Variants in MBOAT1 observed in about 807,000 individuals in gnomAD.
MBOAT1 encodes membrane bound glycerophospholipid O-acyltransferase 1, also known as membrane-bound glycerophospholipid O-acyltransferase 1.
MBOAT1 carries 67 observed loss-of-function variants against 64.4 expected under a neutral mutation model. The observed-to-expected ratio is 1.04, with a 90% confidence interval of 0.85 to 1.27. The LOEUF (loss-of-function observed/expected upper bound fraction) is 1.27, where lower values mean the gene tolerates loss of function less well. MBOAT1 is among the 50% of genes most tolerant of loss of function. The pLI, the probability that MBOAT1 is intolerant of heterozygous loss-of-function variation, is 0.00. For synonymous variants in MBOAT1, 229 were observed against 218.9 expected (o/e 1.05, Z -0.41); for missense variants, 563 against 604.6 (o/e 0.93, Z 0.72).
chr6:20,111,870 A>G (rs9356720), intron 11 of MBOAT1, among the ~76,000 whole-genome samples: 25,654 of 115,206 alleles, frequency 0.22, 2,640 homozygotes, highest in East Asian at 0.33. Flanking sequence ...ATATATATAC[A>G]TATATATATG....
rs1417680626 is a variant in MBOAT1 at position 20,100,748 on chromosome 6, A to G, written c.*1538T>C. On this transcript the variant is annotated 3_prime_UTR_variant, in exon 13 of 13. Coordinates refer to ENST00000324607, the MANE Select transcript of MBOAT1 (RefSeq NM_001080480.3). Reference sequence around the variant, plus strand: ...ATACTGTTTATTCAATAAGAAATTAATTTTTTATCGTTGGATTTGAATAAA... The same window carrying G: ...ATACTGTTTATTCAATAAGAAATTAGTTTTTTATCGTTGGATTTGAATAAA... 6.6e-6 allele frequency among the ~76,000 whole-genome samples: 1 copy of G among 152,170 alleles called. No individual in the cohort carries two copies. Among genetic ancestry groups the G allele is most frequent in the African/African-American group, 2.4e-5 (1 of 41,436 alleles).
rs187920218 is a variant in MBOAT1, at chr6:20,110,726, T to C, written c.1210-977A>G. 2.3e-3 allele frequency among the ~76,000 whole-genome samples: 356 copies of C among 152,304 alleles called. 1 individual carries two copies. Among genetic ancestry groups the C allele is most frequent in the African/African-American group, 8.2e-3 (342 of 41,562 alleles). ...TTCTTAATGACACCAATATAATTTC[T>C]AGCTCATTTTTTCATTTAGTAATAT... On this transcript the variant is annotated intron_variant, in intron 11 of 12. Coordinates refer to ENST00000324607, the MANE Select transcript of MBOAT1 (RefSeq NM_001080480.3).
chr6:20,186,217 C>T (rs977824734), intron 1 of MBOAT1, among the ~76,000 whole-genome samples: 3 of 152,136 alleles, frequency 2.0e-5, no homozygotes, highest in African/African-American at 7.2e-5. Flanking sequence ...GGGAGGAAAA[C>T]AATGGGAGTA....
intron 1 of MBOAT1, among the ~76,000 whole-genome samples, chr6:20,204,940 T>C (rs1273680800): frequency 6.6e-6 from 1 of 152,142 alleles, no homozygotes; most frequent in African/African-American, 2.4e-5. Flanking sequence ...CTCACAACTA[T>C]AATCCCCGCA....
intron 1 of MBOAT1, among the ~76,000 whole-genome samples, chr6:20,172,154 T>G (rs13197946): frequency 0.14 from 21,533 of 151,194 alleles, 1,633 homozygotes; most frequent in African/African-American, 0.17. Flanking sequence ...ATTCCTAGGG[T>G]CCAGGTGCAG....
intron 4 of MBOAT1, among the ~76,000 whole-genome samples, chr6:20,141,881 G>A (rs553854610): frequency 2.6e-5 from 4 of 152,240 alleles, no homozygotes; most frequent in East Asian, 1.9e-4. Context: ...AAGGATGCGG[G>A]TAATAAAGGA....
intron 1 of MBOAT1, among the ~76,000 whole-genome samples, chr6:20,164,265 G>GT (rs1761950944): frequency 6.6e-6 from 1 of 151,450 alleles, no homozygotes; most frequent in African/African-American, 2.4e-5. Flanking sequence ...CACCCAGTTG[G>GT]GCCTGGAGTC....
In MBOAT1 at chr6:20,151,254, A is replaced by G; in HGVS notation, c.254T>C (p.Val85Ala). The change falls in exon 3 of 13, where the codon GTG becomes GCG. Residue 85 changes from valine (V) to alanine (A), a missense_variant. Val to Ala is a moderately conservative substitution (Grantham distance 64, BLOSUM62 0). Coordinates refer to ENST00000324607, the MANE Select transcript of MBOAT1 (RefSeq NM_001080480.3). ...CATTAACACCAGCACAAAAAGATGCACAGAGTACCTTTAAGACATAATAGT... is the reference window on the plus strand; with the variant it reads ...CATTAACACCAGCACAAAAAGATGCGCAGAGTACCTTTAAGACATAATAGT... Reference protein sequence around the residue: ...FVIFCFGWYSVHLFVLVLMCY... With the variant: ...FVIFCFGWYSAHLFVLVLMCY... 1 of 1,611,700 alleles carries G rather than the reference A, an allele frequency of 6.2e-7. No individual in the cohort carries two copies. The highest frequency in any genetic ancestry group is 8.5e-7 in the Non-Finnish European group (1 of 1,178,242).
At chr6:20,191,953 A>C (rs1762813831) in intron 1 of MBOAT1, among the ~76,000 whole-genome samples, 1 of 152,158 alleles carries the variant, frequency 6.6e-6, no homozygotes, top group African/African-American at 2.4e-5. Flanking sequence ...ATTGGAAGAG[A>C]CAGAAAGAAG....
rs371867829 is a variant in MBOAT1, at chr6:20,102,279, G to T, written c.*7C>A. 2 of 1,612,680 alleles carry T rather than the reference G, an allele frequency of 1.2e-6. No individual in the cohort carries two copies. The highest frequency in any genetic ancestry group is 8.5e-7 in the Non-Finnish European group (1 of 1,179,580). On this transcript the variant is annotated 3_prime_UTR_variant, in exon 13 of 13. Coordinates refer to ENST00000324607, the MANE Select transcript of MBOAT1 (RefSeq NM_001080480.3). ...CAGTTTTGCTTGTTCCGCTTCTCTTGGAGGTATCAATCTGTTTTTCTCTTA... is the reference window on the plus strand; with the variant it reads ...CAGTTTTGCTTGTTCCGCTTCTCTTTGAGGTATCAATCTGTTTTTCTCTTA...
At chr6:20,130,701 C>CA (rs753257631) in intron 5 of MBOAT1, among the ~76,000 whole-genome samples, 6,241 of 137,730 alleles carry the variant, frequency 0.045, 295 homozygotes, top group African/African-American at 0.13. Context: ...TTTTCCAAGC[C>CA]AAAAAAAAAA....
chr6:20,183,524 T>C (rs1275340894), intron 1 of MBOAT1, among the ~76,000 whole-genome samples: 1 of 152,232 alleles, frequency 6.6e-6, no homozygotes, highest in Non-Finnish European at 1.5e-5. Flanking sequence ...CCAACATCAG[T>C]ATTTTCATCC....
intron 11 of MBOAT1, among the ~76,000 whole-genome samples, chr6:20,110,521 T>A (rs927590899): frequency 6.6e-6 from 1 of 151,720 alleles, no homozygotes; most frequent in African/African-American, 2.4e-5. Flanking sequence ...TGGCCAATTT[T>A]TCTTATTAAA....
intron 1 of MBOAT1, among the ~76,000 whole-genome samples, chr6:20,197,851 T>C (rs2113765753): frequency 6.6e-6 from 1 of 152,288 alleles, no homozygotes; most frequent in East Asian, 1.9e-4. Flanking sequence ...TCTCAGATAT[T>C]TTGGGTTCAC....
chr6:20,115,367 A>G lies in MBOAT1; in HGVS notation c.1012-15T>C. On this transcript the variant is annotated splice_polypyrimidine_tract_variant and intron_variant, in intron 9 of 12. Coordinates refer to ENST00000324607, the MANE Select transcript of MBOAT1 (RefSeq NM_001080480.3). ...CTTGTGGCAGTCTGGAAAGAAGAAA[A>G]TAACACCTATCATTAGCTTTAAAAA... is the stretch of plus-strand genomic sequence containing the variant. The G allele has an allele frequency of 1.2e-6, 2 of 1,603,678 alleles. No individual in the cohort carries two copies. Among genetic ancestry groups the G allele is most frequent in the South Asian group, 1.1e-5 (1 of 90,860 alleles).
chr6:20,146,256 GA>G (rs142597698), intron 3 of MBOAT1, among the ~76,000 whole-genome samples: 6,021 of 152,238 alleles, frequency 0.04, 194 homozygotes, highest in South Asian at 0.1. Context: ...AACTCATGAA[GA>G]CTAGATCAGC....
chr6:20,152,798 C>A (rs1411163837), intron 1 of MBOAT1, 29 bp from the exon 2 acceptor site: 1 of 1,582,842 alleles, frequency 6.3e-7, no homozygotes, highest in African/African-American at 1.4e-5. Context: ...AAATAAAAAC[C>A]TTTGTGTGAA....
At position 20,101,242 on chromosome 6, in the gene MBOAT1, C is replaced by T. The variant is rs1177637476; in HGVS notation, c.*1044G>A. The stretch of plus-strand genomic sequence containing the variant: ...AGACCAACCCCGGGCAAGCAGGTGG[C>T]GCCTGTGAAATGGAAAACATTCGGA... On this transcript the variant is annotated 3_prime_UTR_variant, in exon 13 of 13. Coordinates refer to ENST00000324607, the MANE Select transcript of MBOAT1 (RefSeq NM_001080480.3). Among the ~76,000 whole-genome samples, 3 of 152,156 alleles carry T rather than the reference C, an allele frequency of 2.0e-5. No individual in the cohort carries two copies. Among genetic ancestry groups the T allele is most frequent in the Admixed American group, 1.3e-4 (2 of 15,274 alleles).
intron 4 of MBOAT1, among the ~76,000 whole-genome samples, chr6:20,139,615 A>G (rs1268617199): frequency 7.9e-6 from 1 of 126,920 alleles, no homozygotes; most frequent in Non-Finnish European, 1.5e-5. Flanking sequence ...GTACAGTGGC[A>G]TTATCACAGC....
Sources: allele counts gnomAD v4.1 joint callset (sites outside exome capture counted in the v4.1 genomes callset), GRCh38; gene constraint gnomAD v4.1.1; transcripts MANE v1.5; gene names NCBI Gene and HGNC (gene_info 2026-07-23, HGNC 2026-07-21).